The following EIF2AK2 variants were observed in gnomAD, a reference collection of about 807,000 sequenced individuals.
EIF2AK2 encodes eukaryotic translation initiation factor 2 alpha kinase 2.
EIF2AK2 carries 40 observed loss-of-function variants against 70.5 expected under a neutral mutation model. The ratio of observed to expected loss-of-function variants is 0.57; its 90% CI spans 0.44 to 0.74. The LOEUF is 0.74. EIF2AK2 is among the 30% of genes least tolerant of loss of function. The probability of loss-of-function intolerance (pLI) is 0.00; values close to 1 mark genes in which losing one functional copy is unlikely to be tolerated. For synonymous variants in EIF2AK2, 198 were observed against 220.9 expected (o/e 0.90, Z 0.92); for missense variants, 555 against 644.3 (o/e 0.86, Z 1.50).
In EIF2AK2 at chr2:37,100,365, G is replaced by A. The variant is rs974954167; in HGVS notation, c.*6908C>T. 1.3e-5 allele frequency: 2 copies of A among 152,178 alleles called. No individual in the cohort carries two copies. Among genetic ancestry groups the A allele is most frequent in the Non-Finnish European group, 2.9e-5 (2 of 68,026 alleles). The allele number at this position is 152,178 out of a possible 1,614,324, so 9.4% of individuals were successfully genotyped here. A position where few individuals can be genotyped will look rare whatever the true frequency, so the allele number is the denominator to read the frequency against. ...CCTCCAGAACAGAAAGAGAATAAATGTGTGTTGTTTTAAACCACCAAGTTT... is the reference window on the plus strand; with the variant it reads ...CCTCCAGAACAGAAAGAGAATAAATATGTGTTGTTTTAAACCACCAAGTTT... On this transcript the variant is annotated 3_prime_UTR_variant, in exon 17 of 17. Coordinates refer to ENST00000233057, the MANE Select transcript of EIF2AK2 (RefSeq NM_001135651.3).
chr2:37,141,428 C>T, intron 5 of EIF2AK2, 125 bp downstream of exon 5: 1 of 1,135,140 alleles, frequency 8.8e-7, no homozygotes, highest in Admixed American at 2.5e-5. Flanking sequence ...ACTTATCAAT[C>T]ATGTAAAACC....
At chr2:37,119,695 G>A (rs751801216) in intron 13 of EIF2AK2, among the ~76,000 whole-genome samples, 6 of 151,320 alleles carry the variant, frequency 4.0e-5, no homozygotes, top group Non-Finnish European at 4.4e-5. Context: ...AGGTTCAAGC[G>A]AATCTCCTGC....
chr2:37,122,420 T>TTAA (rs1177324278), intron 12 of EIF2AK2, 86 bp downstream of exon 12: 1 of 1,369,754 alleles, frequency 7.3e-7, no homozygotes, highest in Non-Finnish European at 1.0e-6. Context: ...ATCGTGATGA[T>TTAA]TAATAGCCTT....
intron 1 of EIF2AK2, among the ~76,000 whole-genome samples, chr2:37,153,188 A>G (rs1359658806): frequency 6.6e-6 from 1 of 152,088 alleles, no homozygotes; most frequent in Non-Finnish European, 1.5e-5. Context: ...CTATTTTTCA[A>G]TGTATTAATT....
chr2:37,137,064 C>A, intron 8 of EIF2AK2, 47 bp from the exon 9 acceptor site: 1 of 1,528,460 alleles, frequency 6.5e-7, no homozygotes, highest in South Asian at 1.2e-5. Context: ...CTAAATCAGT[C>A]ATCTTCCTTT....
At chr2:37,133,278 G>A (rs1675011340) in intron 10 of EIF2AK2, among the ~76,000 whole-genome samples, 1 of 152,050 alleles carries the variant, frequency 6.6e-6, no homozygotes, top group Admixed American at 6.6e-5. Flanking sequence ...TGGGAGTTTT[G>A]AGCATAAGTA....
chr2:37,145,273 G>C (rs1675490442), intron 4 of EIF2AK2, among the ~76,000 whole-genome samples: 2 of 151,086 alleles, frequency 1.3e-5, no homozygotes, highest in South Asian at 4.2e-4. Context: ...CTCCCAAGTA[G>C]CCGGAATTAT....
chr2:37,119,811 C>T (rs899317294), intron 13 of EIF2AK2, 148 bp downstream of exon 13: 14 of 342,328 alleles, frequency 4.1e-5, no homozygotes, highest in African/African-American at 2.4e-4. Flanking sequence ...AGACTGGTTT[C>T]GAACTCATGA....
chr2:37,145,835 C>T (rs1675518818), intron 4 of EIF2AK2, among the ~76,000 whole-genome samples: 1 of 138,202 alleles, frequency 7.2e-6, no homozygotes, highest in Non-Finnish European at 1.5e-5. Flanking sequence ...TCACTGCAAC[C>T]TCCTTCTCCC....
intron 11 of EIF2AK2, among the ~76,000 whole-genome samples, chr2:37,126,068 A>G (rs763704196): frequency 6.6e-6 from 1 of 152,212 alleles, no homozygotes; most frequent in Non-Finnish European, 1.5e-5. Context: ...TGAAGATAGC[A>G]CCAAAAGGAT....
Position 37,102,588 on chromosome 2 carries a change from C to T in EIF2AK2, c.*4685G>A, listed in dbSNP as rs1673852853. ...ACATTTCTTCTCAGATACATACATGCATATATATGTATTATATAAAATACA... is the reference window on the plus strand; with the variant it reads ...ACATTTCTTCTCAGATACATACATGTATATATATGTATTATATAAAATACA... On this transcript the variant is annotated 3_prime_UTR_variant, in exon 17 of 17. Transcript: ENST00000233057. The T allele has an allele frequency of 6.6e-6, 1 of 152,082 alleles. No homozygotes were observed. Among genetic ancestry groups the T allele is most frequent in the African/African-American group, 2.4e-5 (1 of 41,398 alleles). The allele number at this position is 152,082 out of a possible 1,614,324, so 9.4% of individuals were successfully genotyped here.
At chr2:37,114,089 T>C (rs542316849) in intron 14 of EIF2AK2, among the ~76,000 whole-genome samples, 1 of 152,280 alleles carries the variant, frequency 6.6e-6, no homozygotes, top group East Asian at 1.9e-4. Flanking sequence ...CTGGGAAACA[T>C]AGTGAGACCT....
Position 37,105,315 on chromosome 2 carries a change from C to A in EIF2AK2, c.*1958G>T, listed in dbSNP as rs1673927267. The A allele has an allele frequency of 6.6e-6, 1 of 151,526 alleles. No homozygotes were observed. Among genetic ancestry groups the A allele is most frequent in the South Asian group, 2.1e-4 (1 of 4,780 alleles). 9.4% of individuals were successfully genotyped at this position (151,526 alleles called of 1,614,324 possible). A position where few individuals can be genotyped will look rare whatever the true frequency, so the allele number is the denominator to read the frequency against. ...GAGGTGTTTGGGTCATGGGGGAAGA[C>A]CCCTCATGAATACATTAATGCCGTC... On this transcript the variant is annotated 3_prime_UTR_variant, in exon 17 of 17. Transcript: ENST00000233057.
intron 14 of EIF2AK2, among the ~76,000 whole-genome samples, chr2:37,111,142 G>A (rs548095263): frequency 5.1e-4 from 77 of 152,330 alleles, no homozygotes; most frequent in Middle Eastern, 6.8e-3. Flanking sequence ...TGATTGGGCT[G>A]TAGGGAGAGG....
At chr2:37,126,909 A>T (rs1674749789) in intron 10 of EIF2AK2, among the ~76,000 whole-genome samples, 1 of 144,996 alleles carries the variant, frequency 6.9e-6, no homozygotes, top group Non-Finnish European at 1.5e-5. Context: ...GTGAGCCAAG[A>T]TCACACCACT....
intron 10 of EIF2AK2, among the ~76,000 whole-genome samples, chr2:37,130,068 C>T (rs1674886212): frequency 6.6e-6 from 1 of 152,110 alleles, no homozygotes; most frequent in South Asian, 2.1e-4. Flanking sequence ...GACTCAAGTC[C>T]ATCATCTCCC....
intron 13 of EIF2AK2, among the ~76,000 whole-genome samples, chr2:37,117,672 C>T (rs772674355): frequency 6.6e-6 from 1 of 152,204 alleles, no homozygotes; most frequent in Non-Finnish European, 1.5e-5. Context: ...GACTGATGCT[C>T]AGGCTGAGGA....
intron 1 of EIF2AK2, among the ~76,000 whole-genome samples, chr2:37,153,406 T>A (rs1294795735): frequency 1.4e-5 from 2 of 146,090 alleles, no homozygotes; most frequent in Non-Finnish European, 3.0e-5. Flanking sequence ...AGTGGTGTGA[T>A]CACAGCTTAC....
rs182746144 is a variant in EIF2AK2 at position 37,144,915 on chromosome 2, C to A, written c.240+1938G>T. ...GTTTTGTTTTGTTTTGAGACAGGGTCTCACTCTGTCACCCAGGCTGGAGTA... is the reference window on the plus strand; with the variant it reads ...GTTTTGTTTTGTTTTGAGACAGGGTATCACTCTGTCACCCAGGCTGGAGTA... On this transcript the variant is annotated intron_variant, in intron 4 of 16. Coordinates refer to ENST00000233057, the MANE Select transcript of EIF2AK2 (RefSeq NM_001135651.3). Among the ~76,000 whole-genome samples the A allele has an allele frequency of 3.2e-3, 479 of 152,016 alleles. 2 individuals are homozygous for A. Among genetic ancestry groups the A allele is most frequent in the Non-Finnish European group, 5.4e-3 (365 of 67,956 alleles).
Sources: allele counts gnomAD v4.1 joint callset (sites outside exome capture counted in the v4.1 genomes callset), GRCh38; gene constraint gnomAD v4.1.1; transcripts MANE v1.5; gene names NCBI Gene and HGNC (gene_info 2026-07-23, HGNC 2026-07-21).